Variants in WWC1 observed in about 807,000 individuals in gnomAD.
WWC1 encodes the protein WW and C2 domain containing 1, also known as protein KIBRA.
Under a neutral mutation model 138.4 loss-of-function variants are expected in WWC1, and 55 were observed. The observed-to-expected ratio is 0.40, with a 90% CI of 0.32 to 0.50. The LOEUF (loss-of-function observed/expected upper bound fraction) is 0.50. WWC1 is among the 20% of genes least tolerant of loss of function. WWC1 has a pLI of 0.72. For synonymous variants in WWC1, 524 were observed against 564.9 expected (o/e 0.93, Z 1.03); for missense variants, 1,226 against 1,420.4 (o/e 0.86, Z 2.20).
intron 1 of WWC1, among the ~76,000 whole-genome samples, chr5:168,349,817 G>C (rs903269721): frequency 1.3e-5 from 2 of 152,168 alleles, no homozygotes; most frequent in African/African-American, 4.8e-5. Flanking sequence ...GAATTGGTCT[G>C]GAGCAGCAGC....
chr5:168,452,619 T>A (rs1231787357), intron 17 of WWC1, among the ~76,000 whole-genome samples: 3 of 152,218 alleles, frequency 2.0e-5, no homozygotes. Flanking sequence ...TGTTTTAGTT[T>A]TGCAACCCTA....
chr5:168,374,985 G>T (rs57485997), intron 2 of WWC1, among the ~76,000 whole-genome samples: 13,927 of 152,192 alleles, frequency 0.092, 1,184 homozygotes, highest in East Asian at 0.41. Context: ...CAACCAAGTG[G>T]AGAAAACTGC....
intron 1 of WWC1, among the ~76,000 whole-genome samples, chr5:168,366,541 A>C (rs1189109640): frequency 1.3e-5 from 2 of 152,110 alleles, no homozygotes; most frequent in African/African-American, 4.8e-5. Flanking sequence ...TCTCTTGGGC[A>C]CAGTGTCTGT....
intron 1 of WWC1, among the ~76,000 whole-genome samples, chr5:168,294,311 A>G (rs1769332409): frequency 6.6e-6 from 1 of 151,852 alleles, no homozygotes; most frequent in Non-Finnish European, 1.5e-5. Context: ...TTGCTTACTT[A>G]CTCCTTGACT....
intron 9 of WWC1, chr5:168,416,081 T>A (rs1047544205): frequency 2.0e-5 from 3 of 152,042 alleles, no homozygotes; most frequent in Admixed American, 6.6e-5. Flanking sequence ...TTCTAGCAAC[T>A]GAGTAGGCCC....
intron 17 of WWC1, among the ~76,000 whole-genome samples, chr5:168,447,861 G>A (rs1404388718): frequency 6.7e-6 from 1 of 148,920 alleles, no homozygotes; most frequent in East Asian, 2.0e-4. Context: ...TTTCCTCTCT[G>A]TTTCTCTGCC....
At chr5:168,377,158 C>T (rs1004516792) in intron 2 of WWC1, among the ~76,000 whole-genome samples, 6 of 152,062 alleles carry the variant, frequency 3.9e-5, no homozygotes, top group East Asian at 1.9e-4. Flanking sequence ...TCAACTAAGT[C>T]GACAAAAATA....
chr5:168,296,969 C>T (rs1003479540), intron 1 of WWC1, among the ~76,000 whole-genome samples: 1 of 152,196 alleles, frequency 6.6e-6, no homozygotes, highest in Non-Finnish European at 1.5e-5. Flanking sequence ...AGGTCATGGG[C>T]ACCTAGAGGG....
At chr5:168,383,832 A>G (rs1777832847) in intron 2 of WWC1, among the ~76,000 whole-genome samples, 1 of 152,218 alleles carries the variant, frequency 6.6e-6, no homozygotes, top group Non-Finnish European at 1.5e-5. Flanking sequence ...CTGAGGAGTT[A>G]ATAGTCCATG....
chr5:168,382,177 G>A (rs1777688561), intron 2 of WWC1, among the ~76,000 whole-genome samples: 1 of 152,130 alleles, frequency 6.6e-6, no homozygotes, highest in African/African-American at 2.4e-5. Context: ...TTTAAAAGAT[G>A]GTGCACCTAC....
At chr5:168,350,312 G>A (rs544629641) in intron 1 of WWC1, among the ~76,000 whole-genome samples, 45 of 152,208 alleles carry the variant, frequency 3.0e-4, no homozygotes, top group Non-Finnish European at 5.6e-4. Flanking sequence ...ATAGTGGGTT[G>A]TGCAGGAATG....
At chr5:168,367,100 T>C (rs984889328) in intron 1 of WWC1, among the ~76,000 whole-genome samples, 2 of 152,046 alleles carry the variant, frequency 1.3e-5, no homozygotes, top group African/African-American at 2.4e-5. Context: ...CCCAGCCGAC[T>C]TTGAAACACT....
At chr5:168,467,708 A>G in intron 21 of WWC1, 132 bp from the exon 22 acceptor site, 1 of 1,309,946 alleles carries the variant, frequency 7.6e-7, no homozygotes, top group South Asian at 1.5e-5. Flanking sequence ...GTTCTGAATG[A>G]AGTGGATCCC....
chr5:168,358,519 C>T (rs1025498056), intron 1 of WWC1, among the ~76,000 whole-genome samples: 2 of 152,166 alleles, frequency 1.3e-5, no homozygotes, highest in African/African-American at 4.8e-5. Context: ...TGCCCACAGC[C>T]ACTCAGTAGT....
rs111574699 is a variant in WWC1, at chr5:168,402,539, A to G, written c.590+2972A>G. ...GTTGCCTGCTTGTATTGGGAAGGGA[A>G]CTCGGATGAACTCTTTGTCTGCCCT... On this transcript the variant is annotated intron_variant, in intron 5 of 22. Transcript: ENST00000265293. Among the ~76,000 whole-genome samples, 796 of 151,874 alleles carry G rather than the reference A, an allele frequency of 5.2e-3. 3 individuals carry two copies. Among genetic ancestry groups the G allele is most frequent in the African/African-American group, 0.018 (741 of 41,404 alleles).
At position 168,433,983 on chromosome 5, in the gene WWC1, C is replaced by T. The variant is rs114598927; in HGVS notation, c.2280+2539C>T. Among the ~76,000 whole-genome samples the T allele has an allele frequency of 3.2e-4, 48 of 152,376 alleles. 1 individual carries two copies. The highest frequency in any genetic ancestry group is 1.1e-3 in the African/African-American group (47 of 41,600). ...TATTTGAACCCCAGCAGGTCTCCCT[C>T]TGAAGTCCACACACGTCAGCGCCTC... is the stretch of plus-strand genomic sequence containing the variant. On this transcript the variant is annotated intron_variant, in intron 15 of 22. Coordinates refer to ENST00000265293, the MANE Select transcript of WWC1 (RefSeq NM_015238.3).
intron 1 of WWC1, among the ~76,000 whole-genome samples, chr5:168,368,165 A>G (rs1776470852): frequency 6.9e-6 from 1 of 145,254 alleles, no homozygotes; most frequent in Admixed American, 7.3e-5. Context: ...ATCTCGGCTC[A>G]TCGCAACCTC....
chr5:168,302,914 A>G (rs1770225358), intron 1 of WWC1, among the ~76,000 whole-genome samples: 1 of 152,204 alleles, frequency 6.6e-6, no homozygotes, highest in South Asian at 2.1e-4. Context: ...AGGAAACATC[A>G]GAACCACCTG....
At chr5:168,380,225 C>G (rs534412407) in intron 2 of WWC1, among the ~76,000 whole-genome samples, 1 of 152,164 alleles carries the variant, frequency 6.6e-6, no homozygotes, top group Non-Finnish European at 1.5e-5. Flanking sequence ...TGGAGGGTCA[C>G]TTGAGCCCGG....
Sources: gnomAD v4.1 joint callset for allele counts (sites outside exome capture counted in the v4.1 genomes callset) on GRCh38, gnomAD v4.1.1 for gene constraint, MANE v1.5 for transcripts, NCBI Gene and HGNC (gene_info 2026-07-23, HGNC 2026-07-21) for gene names.